Variants in MTUS2 observed in about 807,000 individuals in gnomAD.
MTUS2 encodes the protein microtubule associated scaffold protein 2, also known as microtubule-associated tumor suppressor candidate 2.
Under a neutral mutation model 114.1 loss-of-function variants are expected in MTUS2, and 40 were observed. That is an observed-to-expected ratio of 0.35 (90% confidence interval 0.27 to 0.46). The LOEUF (loss-of-function observed/expected upper bound fraction) is 0.46. MTUS2 is among the 20% of genes least tolerant of loss of function. MTUS2 has a pLI of 1.00. For synonymous variants in MTUS2, 688 were observed against 672.0 expected (o/e 1.02, Z -0.37); for missense variants, 1,679 against 1,705.4 (o/e 0.98, Z 0.27).
intron 9 of MTUS2, among the ~76,000 whole-genome samples, chr13:29,466,093 A>G (rs376133787): frequency 6.6e-6 from 1 of 152,196 alleles, no homozygotes; most frequent in African/African-American, 2.4e-5. Context: ...TGGCTTTCCA[A>G]TGCCGCTGTC....
intron 2 of MTUS2, among the ~76,000 whole-genome samples, chr13:28,996,598 G>A (rs1280556211): frequency 6.6e-6 from 1 of 152,170 alleles, no homozygotes; most frequent in African/African-American, 2.4e-5. Context: ...TCTATTCAGA[G>A]ATGCAACTTC....
chr13:28,886,361 C>T (rs984950987), intron 2 of MTUS2, among the ~76,000 whole-genome samples: 14 of 151,954 alleles, frequency 9.2e-5, no homozygotes, highest in Admixed American at 9.2e-4. Flanking sequence ...GTAATGCAGG[C>T]AGGAGATTAT....
intron 2 of MTUS2, among the ~76,000 whole-genome samples, chr13:28,902,150 G>A (rs569882518): frequency 6.6e-6 from 1 of 152,258 alleles, no homozygotes; most frequent in East Asian, 1.9e-4. Context: ...AGCATATAGA[G>A]ACATGATTGA....
chr13:29,491,963 ATG>A (rs1882157797), intron 11 of MTUS2, among the ~76,000 whole-genome samples: 1 of 104,718 alleles, frequency 9.5e-6, no homozygotes, highest in Non-Finnish European at 1.9e-5. Flanking sequence ...GTGTGTGTGT[ATG>A]TGATGTGTGT....
intron 2 of MTUS2, among the ~76,000 whole-genome samples, chr13:28,992,428 C>T (rs1316906403): frequency 2.6e-5 from 4 of 152,218 alleles, no homozygotes; most frequent in Non-Finnish European, 2.9e-5. Context: ...GAGCACTTGC[C>T]TAGTCTGAGC....
chr13:29,246,718 C>G (rs1896938667), intron 5 of MTUS2, among the ~76,000 whole-genome samples: 1 of 152,066 alleles, frequency 6.6e-6, no homozygotes, highest in South Asian at 2.1e-4. Flanking sequence ...TAGCCCTCCA[C>G]AAGGAAAACT....
intron 4 of MTUS2, among the ~76,000 whole-genome samples, chr13:29,051,646 C>T (rs1887902940): frequency 6.6e-6 from 1 of 152,160 alleles, no homozygotes; most frequent in Non-Finnish European, 1.5e-5. Flanking sequence ...CCGGAAGCCA[C>T]AAGAAGGAAG....
At position 28,917,276 on chromosome 13, in the gene MTUS2, T is replaced by C. The variant is rs1880796503; in HGVS notation, c.-243+77426T>C. Reference sequence around the variant, plus strand: ...TGGTATCAGGGTAATACTGTCCTTGTAGAATGAATTTGGAAGTGTCCTCTT... The same window carrying C: ...TGGTATCAGGGTAATACTGTCCTTGCAGAATGAATTTGGAAGTGTCCTCTT... On this transcript the variant is annotated intron_variant, in intron 2 of 15. Coordinates refer to ENST00000612955, the MANE Select transcript of MTUS2 (RefSeq NM_001033602.4). Among the ~76,000 whole-genome samples the C allele has an allele frequency of 2.0e-5, 3 of 152,056 alleles. No homozygotes were observed. In the South Asian group the frequency reaches 6.2e-4, roughly 32 times the overall value.
intron 8 of MTUS2, among the ~76,000 whole-genome samples, chr13:29,367,678 G>A (rs56684360): frequency 0.11 from 17,428 of 152,052 alleles, 1,110 homozygotes; most frequent in African/African-American, 0.18. Flanking sequence ...ACAACTAAGT[G>A]GATTCAAGAT....
At chr13:28,988,565 C>G (rs542947357) in intron 2 of MTUS2, among the ~76,000 whole-genome samples, 2 of 152,166 alleles carry the variant, frequency 1.3e-5, no homozygotes, top group Non-Finnish European at 2.9e-5. Context: ...GCAAACAAAT[C>G]AGGAAAAACA....
chr13:29,316,271 C>A (rs1899984910), intron 6 of MTUS2, among the ~76,000 whole-genome samples: 1 of 152,078 alleles, frequency 6.6e-6, no homozygotes, highest in African/African-American at 2.4e-5. Flanking sequence ...CCAGTGGCAA[C>A]CATTTGAGAA....
intron 5 of MTUS2, among the ~76,000 whole-genome samples, chr13:29,221,753 C>G (rs6490376): frequency 0.81 from 122,968 of 152,048 alleles, 49,783 homozygotes; most frequent in East Asian, 0.89. Context: ...TAAAGTTTTA[C>G]TCCAGTTTAC....
At chr13:28,974,744 G>A (rs79238254) in intron 2 of MTUS2, among the ~76,000 whole-genome samples, 1,975 of 152,106 alleles carry the variant, frequency 0.013, 30 homozygotes, top group Middle Eastern at 0.027. Context: ...TTATTTTCTC[G>A]GGGCTAATAG....
intron 8 of MTUS2, among the ~76,000 whole-genome samples, chr13:29,425,558 A>C (rs927607605): frequency 6.6e-6 from 1 of 152,200 alleles, no homozygotes; most frequent in African/African-American, 2.4e-5. Context: ...AAATAGAAGT[A>C]AAAAAGGATA....
At chr13:29,094,016 A>C (rs1360268893) in intron 4 of MTUS2, among the ~76,000 whole-genome samples, 3 of 152,168 alleles carry the variant, frequency 2.0e-5, no homozygotes, top group African/African-American at 7.2e-5. Context: ...ACATGGATTA[A>C]TTATGTATGT....
At chr13:29,205,352 T>C (rs1895138623) in intron 5 of MTUS2, among the ~76,000 whole-genome samples, 1 of 152,258 alleles carries the variant, frequency 6.6e-6, no homozygotes. Flanking sequence ...CATACATCCA[T>C]GAATAGATTG....
intron 8 of MTUS2, among the ~76,000 whole-genome samples, chr13:29,361,095 A>G (rs546773618): frequency 6.6e-6 from 1 of 152,256 alleles, no homozygotes. Context: ...AGTTCCCTGT[A>G]GTTATGCACT....
intron 1 of MTUS2, among the ~76,000 whole-genome samples, chr13:28,824,950 A>T (rs1006528370): frequency 6.6e-6 from 1 of 152,136 alleles, no homozygotes; most frequent in Non-Finnish European, 1.5e-5. Context: ...CTGAAAGGAG[A>T]TGTTGAGCAG....
chr13:28,981,227 A>G (rs1406789454), intron 2 of MTUS2, among the ~76,000 whole-genome samples: 3 of 152,246 alleles, frequency 2.0e-5, no homozygotes, highest in Admixed American at 6.5e-5. Flanking sequence ...AAATAAAGAT[A>G]CTACTAATAT....
Sources: allele counts gnomAD v4.1 joint callset (sites outside exome capture counted in the v4.1 genomes callset), GRCh38; gene constraint gnomAD v4.1.1; transcripts MANE v1.5; gene names NCBI Gene and HGNC (gene_info 2026-07-23, HGNC 2026-07-21).